The following STK32C variants were observed in gnomAD, a reference collection of about 807,000 sequenced individuals.
STK32C encodes the protein serine/threonine-protein kinase 32C.
STK32C carries 31 observed loss-of-function variants against 56.5 expected under a neutral mutation model. The ratio of observed to expected loss-of-function variants is 0.55; its 90% CI spans 0.41 to 0.74. The LOEUF (loss-of-function observed/expected upper bound fraction) is 0.74. Ranked by LOEUF, STK32C falls within the 30% of genes least tolerant of loss-of-function variation. STK32C has a pLI of 0.00. For missense variants in STK32C, 544 were observed against 676.9 expected (o/e 0.80, Z 2.18); for synonymous variants, 309 against 289.4 (o/e 1.07, Z -0.69).
chr10:132,313,286 C>T (rs1366909266), intron 1 of STK32C, among the ~76,000 whole-genome samples: 1 of 152,232 alleles, frequency 6.6e-6, no homozygotes, highest in Non-Finnish European at 1.5e-5. Context: ...ACCCTTACAG[C>T]AGCTAACAAG....
chr10:132,215,406 C>A (rs112234821), intron 10 of STK32C, among the ~76,000 whole-genome samples: 13 of 152,072 alleles, frequency 8.5e-5, no homozygotes, highest in African/African-American at 3.1e-4. Context: ...ATGGGAGGAA[C>A]CCAGTGGGAG....
rs2062158265 is a variant in STK32C, at chr10:132,208,155, G to A, written c.1320-4C>T. On this transcript the variant is annotated splice_region_variant and splice_polypyrimidine_tract_variant and intron_variant, in intron 11 of 11. Coordinates refer to ENST00000298630, the MANE Select transcript of STK32C (RefSeq NM_173575.4). ...GAGGTCCTGGCTCCTCTTCAGCCTG[G>A]GGTGGCAGGAACACATGGAGGGCGT... 4.6e-6 allele frequency: 6 copies of A among 1,309,818 alleles called. No individual in the cohort carries two copies. In the South Asian group the frequency reaches 1.3e-4, roughly 28 times the overall value. The allele number at this position is 1,309,818 out of a possible 1,614,324, so 81.1% of individuals were successfully genotyped here.
At chr10:132,314,118 C>A (rs1370947501) in intron 1 of STK32C, among the ~76,000 whole-genome samples, 1 of 152,204 alleles carries the variant, frequency 6.6e-6, no homozygotes, top group Admixed American at 6.5e-5. Flanking sequence ...TTACCTGGGC[C>A]CCGCCCTTCT....
upstream of STK32C, among the ~76,000 whole-genome samples, chr10:132,311,335 C>T (rs2066216497): frequency 6.6e-6 from 1 of 152,212 alleles, no homozygotes; most frequent in African/African-American, 2.4e-5. The surrounding 1 kb of genome is among the most constrained non-coding windows in gnomAD (Gnocchi z 4.4). Flanking sequence ...AAATGGGCTC[C>T]CATGGGACTC....
chr10:132,310,951 G>A (rs567325027), upstream of STK32C, among the ~76,000 whole-genome samples: 136 of 152,230 alleles, frequency 8.9e-4, no homozygotes, highest in African/African-American at 3.2e-3. This position sits in a 1 kb window ranked among gnomAD's most constrained non-coding sequence, Gnocchi z 4.6. Context: ...CGGCTTGTGC[G>A]GGAGGACAGG....
At chr10:132,264,091 G>A (rs886943841) in intron 1 of STK32C, among the ~76,000 whole-genome samples, 8 of 152,080 alleles carry the variant, frequency 5.3e-5, no homozygotes, top group South Asian at 2.1e-4. Flanking sequence ...AGGCGGTGGC[G>A]ACGGATGTAA....
At position 132,255,865 on chromosome 10, in the gene STK32C, T is replaced by C. The variant is rs1332859049; in HGVS notation, c.263-9910A>G. Among the ~76,000 whole-genome samples, 1 of 152,188 alleles carries C rather than the reference T, an allele frequency of 6.6e-6. No homozygotes were observed. Among genetic ancestry groups the C allele is most frequent in the Non-Finnish European group, 1.5e-5 (1 of 68,032 alleles). On this transcript the variant is annotated intron_variant, in intron 1 of 11. Transcript: ENST00000298630. The surrounding 1 kb of genome is among the most constrained non-coding windows in gnomAD (Gnocchi z 4.6). ...GCCCACGCATCTCCGAGGGCCCAGC[T>C]GGCCACCTTCTCCTTCTCCACCGTC...
chr10:132,285,010 G>A (rs1166917732), intron 1 of STK32C, among the ~76,000 whole-genome samples: 2 of 130,936 alleles, frequency 1.5e-5, no homozygotes, highest in African/African-American at 5.9e-5. Flanking sequence ...CATGAACCCG[G>A]AACACATTCC....
At chr10:132,249,001 G>A (rs1235239783) in intron 1 of STK32C, 12 of 463,000 alleles carry the variant, frequency 2.6e-5, no homozygotes, top group Non-Finnish European at 3.5e-5. Flanking sequence ...AGGGAGTCAC[G>A]GCAATTGGGT....
At chr10:132,308,645 A>ACGTGCGCCCGCGCTCT (rs1463120266), upstream of STK32C, among the ~76,000 whole-genome samples, 1 of 152,092 alleles carries the variant, frequency 6.6e-6, no homozygotes, top group African/African-American at 2.4e-5. Context: ...AGCCCTGAGC[A>ACGTGCGCCCGCGCTCT]CGTGCGCCCG....
chr10:132,296,208 C>T lies in STK32C; in HGVS notation c.262+11364G>A, dbSNP rs572024900. On this transcript the variant is annotated intron_variant, in intron 1 of 11. Transcript: ENST00000298630. ...AAGGACATTTTACAACACAGCTGAC[C>T]AGTGTCCAAACTGTCAAGGTCATAA... Among the ~76,000 whole-genome samples the T allele has an allele frequency of 2.0e-5, 3 of 151,692 alleles. No individual in the cohort carries two copies. In the East Asian group the frequency reaches 5.8e-4, roughly 29 times the overall value.
chr10:132,314,998 G>A (rs2066286823), intron 1 of STK32C, among the ~76,000 whole-genome samples: 2 of 152,164 alleles, frequency 1.3e-5, no homozygotes, highest in African/African-American at 4.8e-5. Context: ...GCCAGGCGTG[G>A]TGGCGCATGT....
upstream of STK32C, among the ~76,000 whole-genome samples, chr10:132,309,875 G>A (rs2066187552): frequency 6.6e-6 from 1 of 152,096 alleles, no homozygotes; most frequent in Non-Finnish European, 1.5e-5. Context: ...AAGATATAAC[G>A]TCCCCACCAC....
intron 1 of STK32C, among the ~76,000 whole-genome samples, chr10:132,299,218 CA>C (rs2065842753): frequency 6.7e-6 from 1 of 148,370 alleles, no homozygotes; most frequent in African/African-American, 2.6e-5. Context: ...AGTCCACCAG[CA>C]GAACTGAGAC....
At chr10:132,208,983 C>T in intron 11 of STK32C, 51 bp downstream of exon 11, 3 of 1,573,460 alleles carry the variant, frequency 1.9e-6, no homozygotes, top group Non-Finnish European at 2.6e-6. Context: ...TAACCTTAGC[C>T]CCATTTTCCT....
At chr10:132,261,928 A>G (rs1319974653) in intron 1 of STK32C, among the ~76,000 whole-genome samples, 2 of 152,224 alleles carry the variant, frequency 1.3e-5, no homozygotes, top group Non-Finnish European at 2.9e-5. Context: ...TTTTTCACAG[A>G]AACAGGAAAA....
chr10:132,234,568 C>A (rs1488814794), intron 2 of STK32C, among the ~76,000 whole-genome samples: 2 of 152,272 alleles, frequency 1.3e-5, no homozygotes, highest in Non-Finnish European at 2.9e-5. Flanking sequence ...TCACCCTCCA[C>A]ACCCTGCATC....
chr10:132,222,114 A>T (rs576268225), intron 10 of STK32C, among the ~76,000 whole-genome samples: 1 of 146,912 alleles, frequency 6.8e-6, no homozygotes, highest in Non-Finnish European at 1.5e-5. Flanking sequence ...CCCCACACAC[A>T]CACCTGATGC....
At chr10:132,305,490 G>A (rs2066031010) in intron 1 of STK32C, among the ~76,000 whole-genome samples, 1 of 152,182 alleles carries the variant, frequency 6.6e-6, no homozygotes, top group Non-Finnish European at 1.5e-5. Context: ...CAACCGTGCA[G>A]ATTCAGTAAA....
Sources: gnomAD v4.1 joint callset for allele counts (sites outside exome capture counted in the v4.1 genomes callset) on GRCh38, gnomAD v4.1.1 for gene constraint, Gnocchi (gnomAD v3.1) non-coding constraint, MANE v1.5 for transcripts, NCBI Gene and HGNC (gene_info 2026-07-23, HGNC 2026-07-21) for gene names.